MMP8: variants seen among roughly 807,000 people sequenced by gnomAD.
The protein encoded by MMP8 is matrix metallopeptidase 8.
MMP8 carries 67 observed loss-of-function variants against 51.2 expected under a neutral mutation model. The ratio of observed to expected loss-of-function variants is 1.31; its 90% CI spans 1.08 to 1.60. The LOEUF (loss-of-function observed/expected upper bound fraction) is 1.60. Ranked by LOEUF, MMP8 falls within the 40% of genes most tolerant of loss-of-function variation. The pLI is 0.00. For synonymous variants in MMP8, 225 were observed against 191.0 expected, an observed-to-expected ratio of 1.18 and a Z score of -1.47; for missense variants, 654 against 558.1, an observed-to-expected ratio of 1.17 and a Z score of -1.73.
rs1024154645 is a variant in MMP8 at position 102,712,522 on chromosome 11, C to T, written c.*826G>A. ...AATTCTGCAGGTGTCAGCAGGGTCA[C>T]ACTTGAAGGCTATTGGAGGGAATCC... On this transcript the variant is annotated 3_prime_UTR_variant, in exon 10 of 10. Coordinates refer to ENST00000236826, the MANE Select transcript of MMP8 (RefSeq NM_002424.3). 6.6e-6 allele frequency: 1 copy of T among 152,220 alleles called. No homozygotes were observed. The highest frequency in any genetic ancestry group is 1.5e-5 in the Non-Finnish European group (1 of 68,048). 9.4% of individuals were successfully genotyped at this position (152,220 alleles called of 1,614,324 possible).
intron 5 of MMP8, among the ~76,000 whole-genome samples, chr11:102,718,103 TC>T (rs35538003): frequency 0.77 from 114,214 of 148,854 alleles, 43,677 homozygotes; most frequent in Non-Finnish European, 0.78. Context: ...TGAGACTCCA[TC>T]CCCCCCCCCA....
chr11:102,716,539 T>C (rs571329805), intron 5 of MMP8, 120 bp from the exon 6 acceptor site: 9 of 510,608 alleles, frequency 1.8e-5, no homozygotes, highest in African/African-American at 1.6e-4. Flanking sequence ...AGGTAAGTGC[T>C]ACCAGACTAT....
In MMP8 at chr11:102,722,969, T is replaced by A. The variant is rs1446131143; in HGVS notation, c.103-296A>T. The A allele has an allele frequency of 3.0e-6, 4 of 1,323,176 alleles. No homozygotes were observed. The South Asian group carries it at 4.9e-5, about 16-fold the overall frequency. The allele number at this position is 1,323,176 out of a possible 1,614,324, so 82.0% of individuals were successfully genotyped here. On this transcript the variant is annotated intron_variant, in intron 1 of 9. Transcript: ENST00000236826. ...CAGTCAGGAGACTGTCTTCTTGTTT[T>A]TACAAAAAAATTAGGACTAACATTA...
Position 102,713,174 on chromosome 11 carries a change from A to C in MMP8, c.*174T>G. 3.5e-6 allele frequency: 2 copies of C among 568,348 alleles called. No homozygotes were observed. The highest frequency in any genetic ancestry group is 2.9e-5 in the East Asian group (1 of 34,290). The allele number at this position is 568,348 out of a possible 1,614,324, so 35.2% of individuals were successfully genotyped here. On this transcript the variant is annotated 3_prime_UTR_variant, in exon 10 of 10. Transcript: ENST00000236826. ...GTGTAAGAACTGAATAAGCCTCTGC[A>C]AATAGTGGAATATTCCAAACATATT...
In MMP8 at chr11:102,712,442, G is replaced by C. The variant is rs1861152209; in HGVS notation, c.*906C>G. 6.6e-6 allele frequency: 1 copy of C among 152,258 alleles called. No individual in the cohort carries two copies. The highest frequency in any genetic ancestry group is 1.5e-5 in the Non-Finnish European group (1 of 68,090). The allele number at this position is 152,258 out of a possible 1,614,324, so 9.4% of individuals were successfully genotyped here. ...GCTGTAACAAAGTATTGCAAAGTTG[G>C]TGGCTTAAAACAAAGGAAATTTATT... is the stretch of plus-strand genomic sequence containing the variant. On this transcript the variant is annotated 3_prime_UTR_variant, in exon 10 of 10. Coordinates refer to ENST00000236826, the MANE Select transcript of MMP8 (RefSeq NM_002424.3).
At chr11:102,713,641 G>A (rs1013394606) in intron 9 of MMP8, 113 bp downstream of exon 9, 10 of 1,066,316 alleles carry the variant, frequency 9.4e-6, no homozygotes, top group South Asian at 1.6e-5. Context: ...TGAGGTGGGA[G>A]GATTGCTTGA....
In MMP8 at chr11:102,721,831, G is replaced by T. The variant is rs1861483100; in HGVS notation, c.348-69C>A. 7.1e-6 allele frequency: 11 copies of T among 1,553,414 alleles called. No homozygotes were observed. In the Middle Eastern group the frequency reaches 1.2e-3, roughly 175 times the overall value. ...ACAGTAGTCCATCAACTGATGAGTT[G>T]TTCTGTTTTGAAGTGAGTTGCATCA... On this transcript the variant is annotated intron_variant, in intron 2 of 9. Transcript: ENST00000236826.
Position 102,716,257 on chromosome 11 carries a change from A to T in MMP8, c.902+45T>A, listed in dbSNP as rs779857097. 41 of 1,300,712 alleles carry T rather than the reference A, an allele frequency of 3.2e-5. No homozygotes were observed. The Admixed American group carries it at 4.6e-4, about 15-fold the overall frequency. 80.6% of individuals were successfully genotyped at this position (1,300,712 alleles called of 1,614,324 possible). On this transcript the variant is annotated intron_variant, in intron 6 of 9. Transcript: ENST00000236826. ...CTTAATTTGAATCCAGTTTTAAGGT[A>T]TGTCAGTAAGAGGAATCAAAGGAAG...
Position 102,724,933 on chromosome 11 carries a change from GAC to G in MMP8, c.-80_-79del. 2.0e-6 allele frequency: 3 copies of G among 1,517,830 alleles called. No homozygotes were observed. Among genetic ancestry groups the G allele is most frequent in the Middle Eastern group, 3.5e-4 (2 of 5,650 alleles). The allele number at this position is 1,517,830 out of a possible 1,614,324, so 94.0% of individuals were successfully genotyped here. On this transcript the variant is annotated 5_prime_UTR_variant, in exon 1 of 10. Coordinates refer to ENST00000236826, the MANE Select transcript of MMP8 (RefSeq NM_002424.3). ...AGGGCCCTTCCCTGGCGAGCACCCT[GAC>G]GTTCACAGCATCATGTGTCACTCAC...
intron 6 of MMP8, among the ~76,000 whole-genome samples, chr11:102,715,781 A>G (rs1413343514): frequency 6.6e-6 from 1 of 152,222 alleles, no homozygotes; most frequent in African/African-American, 2.4e-5. Context: ...AAGCAACAGC[A>G]TGTACCCTCA....
At chr11:102,719,930 G>T (rs1861418953) in intron 4 of MMP8, among the ~76,000 whole-genome samples, 1 of 152,174 alleles carries the variant, frequency 6.6e-6, no homozygotes, top group African/African-American at 2.4e-5. Context: ...CAAGACAGAA[G>T]GTGGCCTTTG....
At chr11:102,720,572 C>A (rs536100576) in intron 4 of MMP8, among the ~76,000 whole-genome samples, 1 of 152,234 alleles carries the variant, frequency 6.6e-6, no homozygotes, top group Admixed American at 6.5e-5. Context: ...TCTAAAAGTG[C>A]TCTCTGGCAT....
intron 2 of MMP8, 108 bp downstream of exon 2, chr11:102,722,321 G>A (rs1861496597): frequency 8.4e-7 from 1 of 1,184,016 alleles, no homozygotes; most frequent in Non-Finnish European, 1.2e-6. Flanking sequence ...TCAAAGGCAG[G>A]GATATTTATC....
rs768726871 is a variant in MMP8, at chr11:102,718,455, G to C, written c.743C>G (p.Ser248Ter). 1.7e-5 allele frequency: 27 copies of C among 1,613,364 alleles called. No homozygotes were observed. Among genetic ancestry groups the C allele is most frequent in the Non-Finnish European group, 2.3e-5 (27 of 1,179,738 alleles). Residue 248 changes from serine (S) to a stop codon, truncating the protein, a stop_gained, in exon 5 of 10, where the codon TCA becomes TGA. Coordinates refer to ENST00000236826, the MANE Select transcript of MMP8 (RefSeq NM_002424.3). LOFTEE classifies it high-confidence loss of function. Reference sequence around the variant, plus strand: ...GCCATCGATGTCATCTTGAGGGAGTGAGTAGTTGCTGGTTTCCCTGAAAGC... The same window carrying C: ...GCCATCGATGTCATCTTGAGGGAGTCAGTAGTTGCTGGTTTCCCTGAAAGC... ...NYAFRETSNY[S>*]LPQDDIDGIQ...
rs144310642 is a variant in MMP8 at position 102,724,756 on chromosome 11, G to A, written c.100C>T (p.Gln34Ter). Residue 34 changes from glutamine (Q) to a stop codon, truncating the protein, a stop_gained and splice_region_variant, in exon 1 of 10, where the codon CAG (glutamine) becomes TAG (stop). Coordinates refer to ENST00000236826, the MANE Select transcript of MMP8 (RefSeq NM_002424.3). LOFTEE classifies it high-confidence loss of function. ...SSKEKNTKTV[Q>*]DYLEKFYQLP... Reference sequence around the variant, plus strand: ...CACCTAACTGATAGTTCATTTACCTGAACAGTTTTTGTATTTTTCTCTTTA... The same window carrying A: ...CACCTAACTGATAGTTCATTTACCTAAACAGTTTTTGTATTTTTCTCTTTA... 2.1e-4 allele frequency: 337 copies of A among 1,590,458 alleles called. No individual in the cohort carries two copies. The African/African-American group carries it at 4.0e-3, about 19-fold the overall frequency.
chr11:102,724,672 T>C, intron 1 of MMP8, 82 bp downstream of exon 1: 1 of 1,244,838 alleles, frequency 8.0e-7, no homozygotes, highest in Non-Finnish European at 1.1e-6. Flanking sequence ...TTTCAGGCTG[T>C]TTTAATTAAC....
chr11:102,716,399 G>T lies in MMP8; in HGVS notation c.805C>A (p.Gln269Lys). 7.4e-7 allele frequency: 1 copy of T among 1,357,766 alleles called. No homozygotes were observed. The highest frequency in any genetic ancestry group is 1.3e-5 in the South Asian group (1 of 78,374). The allele number at this position is 1,357,766 out of a possible 1,614,324, so 84.1% of individuals were successfully genotyped here. A position where few individuals can be genotyped will look rare whatever the true frequency, so the allele number is the denominator to read the frequency against. ...AIYGLSSNPIQPTGPSTPKPC... is the reference protein window; with the variant it reads ...AIYGLSSNPIKPTGPSTPKPC... Reference sequence around the variant, plus strand: ...TTGGGTGTGCTTGGTCCAGTAGGTTGGATAGGGTTGCTTGAAAGTCCTGGA... The same window carrying T: ...TTGGGTGTGCTTGGTCCAGTAGGTTTGATAGGGTTGCTTGAAAGTCCTGGA... Residue 269 changes from glutamine (Q) to lysine (K), a missense_variant, in exon 6 of 10, where the codon CAA becomes AAA. Coordinates refer to ENST00000236826, the MANE Select transcript of MMP8 (RefSeq NM_002424.3).
intron 8 of MMP8, among the ~76,000 whole-genome samples, 190 bp from the exon 9 acceptor site, chr11:102,714,047 G>A (rs1044837086): frequency 1.3e-5 from 2 of 152,020 alleles, no homozygotes; most frequent in African/African-American, 2.4e-5. Flanking sequence ...AAAACATATG[G>A]TTATCATTAA....
chr11:102,724,695 C>T, intron 1 of MMP8, 59 bp downstream of exon 1: 10 of 1,420,688 alleles, frequency 7.0e-6, no homozygotes, highest in Non-Finnish European at 9.6e-6. Context: ...GAGAAAACAA[C>T]CCACACTATT....
Sources: allele counts gnomAD v4.1 joint callset (sites outside exome capture counted in the v4.1 genomes callset), GRCh38; gene constraint gnomAD v4.1.1; transcripts MANE v1.5; gene names NCBI Gene and HGNC (gene_info 2026-07-23, HGNC 2026-07-21).